LARGE2: variants seen among roughly 807,000 people sequenced by gnomAD.
LARGE2 encodes xylosyl- and glucuronyltransferase LARGE2.
In LARGE2, 63 loss-of-function variants were observed where a neutral mutation model predicts 75.3. The observed-to-expected ratio is 0.84, with a 90% CI of 0.68 to 1.03. The LOEUF (loss-of-function observed/expected upper bound fraction) is 1.03. Among genes scored for constraint, LARGE2 ranks in the 50% least tolerant of loss-of-function variants. The pLI is 0.00. For missense variants in LARGE2, 925 were observed against 980.6 expected (o/e 0.94, Z 0.76); for synonymous variants, 428 against 420.1 (o/e 1.02, Z -0.23).
rs2087148469 is a variant in LARGE2, at chr11:45,926,417, G to A, written c.1009-25G>A. On this transcript the variant is annotated intron_variant, in intron 8 of 13. Coordinates refer to ENST00000401752, the MANE Select transcript of LARGE2 (RefSeq NM_001300721.2). ...GAGACTTCTGCTCCCTGCTCCCATG[G>A]CCCCAACACCCTCCTGGGTCCCAGG... 3 of 1,613,680 alleles carry A rather than the reference G, an allele frequency of 1.9e-6. No homozygotes were observed. In the Admixed American group the frequency reaches 5.0e-5, roughly 27 times the overall value.
chr11:45,922,880 G>C lies in LARGE2; in HGVS notation c.-3G>C. ...CCCTCCCTGAGCGCCCCCGTCGGCG[G>C]CCATGCTGCCCCGAGGGCGCCCCCG... On this transcript the variant is annotated 5_prime_UTR_variant, in exon 2 of 14. Coordinates refer to ENST00000401752, the MANE Select transcript of LARGE2 (RefSeq NM_001300721.2). 1 of 1,256,078 alleles carries C rather than the reference G, an allele frequency of 8.0e-7. No individual in the cohort carries two copies. Among genetic ancestry groups the C allele is most frequent in the Non-Finnish European group, 1.0e-6 (1 of 1,004,046 alleles). 77.8% of individuals were successfully genotyped at this position (1,256,078 alleles called of 1,614,324 possible). A position where few individuals can be genotyped will look rare whatever the true frequency, so the allele number is the denominator to read the frequency against.
At position 45,926,124 on chromosome 11, in the gene LARGE2, C is replaced by T; in HGVS notation, c.855C>T (p.Ser285=). 1 of 1,575,990 alleles carries T rather than the reference C, an allele frequency of 6.3e-7. No individual in the cohort carries two copies. The highest frequency in any genetic ancestry group is 8.6e-7 in the Non-Finnish European group (1 of 1,160,846). ...WRLTARRELL[S]LPATSLADQD... ...TGACAGCCAGGCGGGAGCTCCTTAG[C>T]CTGCCTGCCACCTCACTGGCTGACC... The change falls in exon 7 of 14, where the codon AGC becomes AGT. Residue 285 remains serine (S), a synonymous_variant. Coordinates refer to ENST00000401752, the MANE Select transcript of LARGE2 (RefSeq NM_001300721.2).
intron 13 of LARGE2, 97 bp from the exon 14 acceptor site, chr11:45,928,533 T>G: frequency 6.5e-7 from 1 of 1,544,862 alleles, no homozygotes; most frequent in Non-Finnish European, 8.7e-7. Flanking sequence ...TTGCTTTAGC[T>G]CTCAGGGGCT....
Position 45,926,136 on chromosome 11 carries a change from C to T in LARGE2, c.867C>T (p.Thr289=). 1 of 1,583,672 alleles carries T rather than the reference C, an allele frequency of 6.3e-7. No individual in the cohort carries two copies. Among genetic ancestry groups the T allele is most frequent in the Non-Finnish European group, 8.6e-7 (1 of 1,164,744 alleles). Residue 289 remains threonine (T), a synonymous_variant, in exon 7 of 14, where the codon ACC becomes ACT. Coordinates refer to ENST00000401752, the MANE Select transcript of LARGE2 (RefSeq NM_001300721.2). The stretch of plus-strand genomic sequence containing the variant: ...GGGAGCTCCTTAGCCTGCCTGCCAC[C>T]TCACTGGCTGACCAGGTCTGAGGAA... ...ARRELLSLPA[T]SLADQDIFNA... is the part of the protein sequence containing the mutation.
chr11:45,927,991 T>C lies in LARGE2; in HGVS notation c.1676T>C (p.Leu559Pro). The C allele has an allele frequency of 1.2e-6, 2 of 1,613,870 alleles. No homozygotes were observed. Among genetic ancestry groups the C allele is most frequent in the Non-Finnish European group, 1.7e-6 (2 of 1,180,008 alleles). The part of the protein sequence containing the change: ...AALVVPAFET[L>P]RYRFSFPHSK... The stretch of plus-strand genomic sequence containing the variant: ...CTGGTGGTGCCGGCATTCGAGACCC[T>C]GCGCTACCGCTTCAGCTTCCCCCAT... Residue 559 changes from leucine (L) to proline (P), a missense_variant, in exon 12 of 14, where the codon CTG (leucine) becomes CCG (proline). Leu to Pro is a moderately conservative substitution (Grantham distance 98, BLOSUM62 -3). Around this residue, in one of 3 missense-constraint regions of LARGE2, gnomAD observed 469 missense variants for 503.8 expected, o/e 0.93. Transcript: ENST00000401752.
upstream of LARGE2, among the ~76,000 whole-genome samples, chr11:45,922,149 A>G (rs1024000974): frequency 2.6e-5 from 4 of 152,012 alleles, no homozygotes; most frequent in South Asian, 8.3e-4. Context: ...CGGCGCCGGC[A>G]GGGCCCGGCC....
chr11:45,928,263 C>A lies in LARGE2; in HGVS notation c.1841C>A (p.Ala614Asp). Residue 614 changes from alanine to aspartate, a missense_variant, in exon 13 of 14, where the codon GCC becomes GAC. Ala to Asp is a moderately radical substitution (Grantham distance 126). Transcript: ENST00000401752. ...GCCCCGTACCGTGTGCAATGGGCGGCCAACTATGAACCCTACGTGGTGGTG... is the reference window on the plus strand; with the variant it reads ...GCCCCGTACCGTGTGCAATGGGCGGACAACTATGAACCCTACGTGGTGGTG... ...AQAPYRVQWAANYEPYVVVPR... is the reference protein window; with the variant it reads ...AQAPYRVQWADNYEPYVVVPR... 6.2e-7 allele frequency: 1 copy of A among 1,614,092 alleles called. No homozygotes were observed. Among genetic ancestry groups the A allele is most frequent in the Non-Finnish European group, 8.5e-7 (1 of 1,180,038 alleles).
At chr11:45,927,147 TGG>T (rs2087188472) in intron 10 of LARGE2, among the ~76,000 whole-genome samples, 166 bp from the exon 11 acceptor site, 1 of 152,068 alleles carries the variant, frequency 6.6e-6, no homozygotes, top group South Asian at 2.1e-4. Context: ...ACCCACCTGG[TGG>T]GGGTAGTTGT....
At chr11:45,923,782 C>G (rs956156583) in intron 3 of LARGE2, among the ~76,000 whole-genome samples, 2 of 151,508 alleles carry the variant, frequency 1.3e-5, no homozygotes, top group South Asian at 4.2e-4. Flanking sequence ...GTCAGGAGAT[C>G]GAGACCATCC....
At chr11:45,928,570 G>A (rs1478936801) in intron 13 of LARGE2, 60 bp from the exon 14 acceptor site, 4 of 1,583,798 alleles carry the variant, frequency 2.5e-6, no homozygotes, top group Admixed American at 3.4e-5. Flanking sequence ...CTCTGGAGCT[G>A]CACCTTCCCC....
In LARGE2 at chr11:45,928,390, C is replaced by T. The variant is rs762912051; in HGVS notation, c.1950+18C>T. The T allele has an allele frequency of 1.2e-6, 2 of 1,608,644 alleles. No homozygotes were observed. Among genetic ancestry groups the T allele is most frequent in the African/African-American group, 2.7e-5 (2 of 74,848 alleles). ...ATGCCCAGGTGAGGAGGGCACCTTG[C>T]TGCCTCCACCTTTGACTCGAGCACC... On this transcript the variant is annotated intron_variant, in intron 13 of 13. Transcript: ENST00000401752.
upstream of LARGE2, among the ~76,000 whole-genome samples, chr11:45,922,425 T>C (rs908493319): frequency 2.1e-4 from 32 of 151,858 alleles, no homozygotes; most frequent in Non-Finnish European, 3.7e-4. Context: ...TCAGGGCAGG[T>C]AGCGGGGCCC....
In LARGE2 at chr11:45,928,159, C is replaced by T. The variant is rs769079986; in HGVS notation, c.1755-18C>T. 5.6e-6 allele frequency: 9 copies of T among 1,613,114 alleles called. No homozygotes were observed. Among genetic ancestry groups the T allele is most frequent in the Non-Finnish European group, 7.6e-6 (9 of 1,179,930 alleles). The stretch of plus-strand genomic sequence containing the variant: ...GCTCCTAGCCTCAGCCTGGCTCCCA[C>T]CCGACCCTGCTGCACAGGTACCACG... On this transcript the variant is annotated intron_variant, in intron 12 of 13. Coordinates refer to ENST00000401752, the MANE Select transcript of LARGE2 (RefSeq NM_001300721.2).
chr11:45,928,196 G>A lies in LARGE2; in HGVS notation c.1774G>A (p.Gly592Ser). 1.2e-6 allele frequency: 2 copies of A among 1,613,692 alleles called. No homozygotes were observed. The highest frequency in any genetic ancestry group is 2.2e-5 in the South Asian group (2 of 91,082). Residue 592 changes from glycine (G) to serine (S), a missense_variant, in exon 13 of 14, where the codon GGC becomes AGC. Transcript: ENST00000401752. ...YTFRYHEWPR[G>S]HAPTDYARWR... The stretch of plus-strand genomic sequence containing the variant: ...GCACAGGTACCACGAGTGGCCCCGA[G>A]GCCACGCACCCACAGACTATGCCCG...
chr11:45,927,619 C>T, intron 11 of LARGE2, 26 bp downstream of exon 11: 2 of 1,608,262 alleles, frequency 1.2e-6, no homozygotes, highest in Non-Finnish European at 1.7e-6. Context: ...GAGAGGGGAA[C>T]AATATATGGG....
chr11:45,921,731 C>T (rs1183689238), upstream of LARGE2: 1 of 152,282 alleles, frequency 6.6e-6, no homozygotes, highest in Non-Finnish European at 1.5e-5. Flanking sequence ...GGAGGAGGAG[C>T]AAGAAAGCTG....
Position 45,926,452 on chromosome 11 carries a change from G to A in LARGE2, c.1019G>A (p.Trp340Ter). Reference protein sequence around the residue: ...SEASDLKVIHWNSPKKLRVKN... With the variant: ...SEASDLKVIH ...CCTCCTGGGTCCCAGGTGATCCACT[G>A]GAACTCACCAAAGAAGCTTCGGGTG... The change falls in exon 9 of 14, where the codon TGG becomes TAG. Residue 340 changes from tryptophan (W) to a stop codon, truncating the protein, a stop_gained. Transcript: ENST00000401752. LOFTEE classifies it high-confidence loss of function. 1.9e-6 allele frequency: 3 copies of A among 1,614,056 alleles called. No individual in the cohort carries two copies. The South Asian group carries it at 3.3e-5, about 18-fold the overall frequency.
rs777467056 is a variant in LARGE2 at position 45,923,142 on chromosome 11, AGCC to A, written c.273_275del (p.Pro92del). ...CACAACCGCTCCGACTGCGGCCCGC[AGCC>A]GCCGCCGCCGCCCAAGTGCGAGGTA... is the stretch of plus-strand genomic sequence containing the variant. On this transcript the variant is annotated inframe_deletion, in exon 2 of 14. Transcript: ENST00000401752. 1.5e-4 allele frequency: 198 copies of A among 1,345,430 alleles called. No individual in the cohort carries two copies. Among genetic ancestry groups the A allele is most frequent in the South Asian group, 8.6e-4 (45 of 52,228 alleles). 83.3% of individuals were successfully genotyped at this position (1,345,430 alleles called of 1,614,324 possible).
chr11:45,922,919 G>T lies in LARGE2; in HGVS notation c.37G>T (p.Ala13Ser). Residue 13 changes from alanine to serine, a missense_variant, in exon 2 of 14, where the codon GCC (alanine) becomes TCC (serine). Coordinates refer to ENST00000401752, the MANE Select transcript of LARGE2 (RefSeq NM_001300721.2). ...PRGRPRALGAAALLLLLLLLG... is the reference protein window; with the variant it reads ...PRGRPRALGASALLLLLLLLG... Reference sequence around the variant, plus strand: ...AGGGCGCCCCCGGGCGCTGGGGGCCGCCGCGCTGTTGCTGCTGCTGCTGCT... The same window carrying T: ...AGGGCGCCCCCGGGCGCTGGGGGCCTCCGCGCTGTTGCTGCTGCTGCTGCT... The T allele has an allele frequency of 1.6e-6, 2 of 1,280,488 alleles. No homozygotes were observed. 79.3% of individuals were successfully genotyped at this position (1,280,488 alleles called of 1,614,324 possible).
Sources: allele counts gnomAD v4.1 joint callset (sites outside exome capture counted in the v4.1 genomes callset), GRCh38; gene constraint gnomAD v4.1.1; regional missense constraint gnomAD v4.1.1; transcripts MANE v1.5; gene names NCBI Gene and HGNC (gene_info 2026-07-23, HGNC 2026-07-21).